The following MYO10 variants were observed in gnomAD, a reference collection of about 807,000 sequenced individuals.
MYO10 encodes the protein myosin X.
Under a neutral mutation model 257.3 loss-of-function variants are expected in MYO10, and 133 were observed. That is an observed-to-expected ratio of 0.52 (90% CI 0.45 to 0.60). MYO10 has a LOEUF of 0.60. MYO10 is among the 20% of genes least tolerant of loss of function. The pLI, the probability that MYO10 is intolerant of heterozygous loss-of-function variation, is 0.00. For missense variants in MYO10, 2,399 were observed against 2,635.7 expected (o/e 0.91, Z 1.97); for synonymous variants, 1,104 against 1,028.6 (o/e 1.07, Z -1.40).
chr5:16,682,977 C>G (rs1561178439), intron 30 of MYO10, among the ~76,000 whole-genome samples: 1 of 151,846 alleles, frequency 6.6e-6, no homozygotes, highest in African/African-American at 2.4e-5. Context: ...AACTCACATA[C>G]CAGAATAAGA....
chr5:16,681,832 G>T, intron 31 of MYO10, 39 bp downstream of exon 31: 4 of 1,592,680 alleles, frequency 2.5e-6, no homozygotes, highest in Non-Finnish European at 3.4e-6. Context: ...GGAAAGGGGA[G>T]TCTGTTAAGC....
At chr5:16,843,174 C>T (rs1035313056) in intron 2 of MYO10, among the ~76,000 whole-genome samples, 5 of 152,216 alleles carry the variant, frequency 3.3e-5, no homozygotes, top group African/African-American at 1.2e-4. Flanking sequence ...CCCGGTCCAG[C>T]ACTGACTTCC....
chr5:16,720,446 T>C (rs1739108633), intron 19 of MYO10, among the ~76,000 whole-genome samples: 1 of 149,940 alleles, frequency 6.7e-6, no homozygotes, highest in Non-Finnish European at 1.5e-5. Context: ...ATTTTATTTA[T>C]TTTATTTTAT....
intron 9 of MYO10, among the ~76,000 whole-genome samples, chr5:16,769,963 G>T (rs1327995660): frequency 1.3e-5 from 2 of 151,294 alleles, no homozygotes; most frequent in African/African-American, 4.8e-5. Context: ...AGAGATGGGG[G>T]TCTCATGTTG....
In MYO10 at chr5:16,702,984, C is replaced by T. The variant is rs1579862393; in HGVS notation, c.2451G>A (p.Glu817=). Residue 817 remains glutamate (E), a synonymous_variant, in exon 23 of 41, where the codon GAG becomes GAA. Coordinates refer to ENST00000513610, the MANE Select transcript of MYO10 (RefSeq NM_012334.3). The stretch of plus-strand genomic sequence containing the variant: ...CTTCCTGTTTCTTCTTTTCTTCTTG[C>T]TCCCTTTTCTCTGCCAGCAATTGTC... ...VYRQLLAEKR[E]QEEKKKQEEE... is the part of the protein sequence containing the mutation. 1.3e-6 allele frequency: 2 copies of T among 1,552,088 alleles called. No individual in the cohort carries two copies. The highest frequency in any genetic ancestry group is 1.7e-6 in the Non-Finnish European group (2 of 1,147,088).
At chr5:16,856,232 G>C (rs1580079444) in intron 2 of MYO10, among the ~76,000 whole-genome samples, 1 of 152,166 alleles carries the variant, frequency 6.6e-6, no homozygotes, top group Non-Finnish European at 1.5e-5. Context: ...TCAGGAAAAT[G>C]TGTCAACACA....
intron 1 of MYO10, among the ~76,000 whole-genome samples, chr5:16,916,751 C>G (rs535966799): frequency 1.3e-5 from 2 of 152,160 alleles, no homozygotes; most frequent in African/African-American, 4.8e-5. Flanking sequence ...AAAAACCACA[C>G]ACTTACTCAT....
Position 16,701,977 on chromosome 5 carries a change from C to T in MYO10, c.2557-139G>A, listed in dbSNP as rs954737285. On this transcript the variant is annotated intron_variant, in intron 24 of 40. Coordinates refer to ENST00000513610, the MANE Select transcript of MYO10 (RefSeq NM_012334.3). This position sits in a 1 kb window ranked among gnomAD's most constrained non-coding sequence, Gnocchi z 8.1. ...TAAAGTCTATAGGTTGAAGTCCTAA[C>T]CCCAATACTGCAGAATGTGACTGCA... The T allele has an allele frequency of 6.3e-6, 6 of 957,978 alleles. No individual in the cohort carries two copies. The highest frequency in any genetic ancestry group is 3.6e-5 in the South Asian group (2 of 55,662). The allele number at this position is 957,978 out of a possible 1,614,324, so 59.3% of individuals were successfully genotyped here.
At chr5:16,811,386 C>T (rs1742437200) in intron 3 of MYO10, among the ~76,000 whole-genome samples, 1 of 152,220 alleles carries the variant, frequency 6.6e-6, no homozygotes, top group Non-Finnish European at 1.5e-5. Flanking sequence ...GGCTTCTAAC[C>T]TCAGGCTGCC....
intron 37 of MYO10, among the ~76,000 whole-genome samples, chr5:16,671,981 T>A (rs939047598): frequency 2.0e-5 from 3 of 152,158 alleles, no homozygotes; most frequent in African/African-American, 7.2e-5. Flanking sequence ...TTCGAGGATA[T>A]GAAGTCACAG....
intron 19 of MYO10, among the ~76,000 whole-genome samples, chr5:16,751,301 A>C (rs994381631): frequency 6.6e-6 from 1 of 152,204 alleles, no homozygotes. Flanking sequence ...TCATTTGCAC[A>C]CATTTCACAG....
intron 1 of MYO10, among the ~76,000 whole-genome samples, chr5:16,909,568 T>C (rs29450): frequency 0.7 from 105,274 of 150,306 alleles, 37,028 homozygotes; most frequent in Admixed American, 0.75. Context: ...ATTGCGAGAA[T>C]AGCACAGAAA....
chr5:16,854,473 A>G (rs1022769353), intron 2 of MYO10, among the ~76,000 whole-genome samples: 2 of 152,204 alleles, frequency 1.3e-5, no homozygotes, highest in Non-Finnish European at 2.9e-5. Flanking sequence ...GTTTGATTCC[A>G]TTTGTAAGAA....
At chr5:16,918,646 A>G (rs1396768778) in intron 1 of MYO10, among the ~76,000 whole-genome samples, 1 of 151,804 alleles carries the variant, frequency 6.6e-6, no homozygotes, top group Non-Finnish European at 1.5e-5. Flanking sequence ...GATCACAGGC[A>G]TGCACCATCA....
Position 16,672,813 on chromosome 5 carries a change from G to T in MYO10, c.5185C>A (p.Leu1729Met). 1.2e-6 allele frequency: 2 copies of T among 1,613,260 alleles called. No homozygotes were observed. The highest frequency in any genetic ancestry group is 1.7e-6 in the Non-Finnish European group (2 of 1,179,580). Reference protein sequence around the residue: ...HTTAGEVVEKLIRGLAMEDSR... With the variant: ...HTTAGEVVEKMIRGLAMEDSR... Reference sequence around the variant, plus strand: ...TCCTCCATGGCCAGGCCTCGGATCAGCTTCTCCACCACCTGGAAGACACAC... The same window carrying T: ...TCCTCCATGGCCAGGCCTCGGATCATCTTCTCCACCACCTGGAAGACACAC... Residue 1729 changes from leucine to methionine, a missense_variant, in exon 37 of 41, where the codon CTG becomes ATG. Coordinates refer to ENST00000513610, the MANE Select transcript of MYO10 (RefSeq NM_012334.3).
intron 2 of MYO10, among the ~76,000 whole-genome samples, chr5:16,845,539 C>T (rs552770683): frequency 2.6e-5 from 4 of 152,228 alleles, no homozygotes; most frequent in East Asian, 1.9e-4. Context: ...TAATGGTCCA[C>T]ACTTAGAGTC....
At chr5:16,779,903 T>C (rs942000236) in intron 8 of MYO10, among the ~76,000 whole-genome samples, 1 of 152,178 alleles carries the variant, frequency 6.6e-6, no homozygotes, top group Non-Finnish European at 1.5e-5. Context: ...AAAAAATCTT[T>C]CTTTTTTCTT....
chr5:16,675,118 C>G lies in MYO10; in HGVS notation c.4699G>C (p.Asp1567His). The G allele has an allele frequency of 1.2e-6, 2 of 1,613,810 alleles. No individual in the cohort carries two copies. Among genetic ancestry groups the G allele is most frequent in the South Asian group, 1.1e-5 (1 of 91,074 alleles). Residue 1567 changes from aspartate to histidine, a missense_variant, in exon 35 of 41, where the codon GAT becomes CAT. By Grantham distance (81) the Asp-to-His change is moderately conservative (BLOSUM62 -1). Around this residue, in one of 3 missense-constraint regions of MYO10, gnomAD observed 1,820 missense variants for 1,939.4 expected, o/e 0.94. Transcript: ENST00000513610. ...LKDKGYTTLQ[D>H]EAIKIFNSLQ... ...GAATTGAATATCTTGATGGCCTCAT[C>G]CTGAAGGGTGGTATAGCCTTTGTCT... is the stretch of plus-strand genomic sequence containing the variant.
intron 2 of MYO10, among the ~76,000 whole-genome samples, chr5:16,861,595 C>T (rs1744110895): frequency 6.6e-6 from 1 of 151,896 alleles, no homozygotes; most frequent in Non-Finnish European, 1.5e-5. Flanking sequence ...AAAGCTATTG[C>T]AAAGTAGGGG....
Sources: allele counts gnomAD v4.1 joint callset (sites outside exome capture counted in the v4.1 genomes callset), GRCh38; gene constraint gnomAD v4.1.1; regional missense constraint gnomAD v4.1.1; non-coding constraint Gnocchi (gnomAD v3.1); transcripts MANE v1.5; gene names NCBI Gene and HGNC (gene_info 2026-07-23, HGNC 2026-07-21).